The following GLRB variants were observed in gnomAD, a reference collection of about 807,000 sequenced individuals.
The protein encoded by GLRB is glycine receptor subunit beta.
In GLRB, 33 loss-of-function variants were observed where a neutral mutation model predicts 54.2. That is an observed-to-expected ratio of 0.61 (90% CI 0.46 to 0.81). The LOEUF is 0.81. Ranked by LOEUF, GLRB falls within the 40% of genes least tolerant of loss-of-function variation. The pLI, the probability that GLRB is intolerant of heterozygous loss-of-function variation, is 0.00. For missense variants in GLRB, 572 were observed against 584.6 expected (o/e 0.98, Z 0.22); for synonymous variants, 209 against 208.2 (o/e 1.00, Z -0.03).
chr4:157,103,913 T>C (rs1735128603), intron 2 of GLRB, among the ~76,000 whole-genome samples: 1 of 151,928 alleles, frequency 6.6e-6, no homozygotes, highest in Non-Finnish European at 1.5e-5. Flanking sequence ...GAAATTTGTT[T>C]ATCAGTTTTA....
At chr4:157,107,848 A>C (rs139665759) in intron 2 of GLRB, among the ~76,000 whole-genome samples, 1 of 152,238 alleles carries the variant, frequency 6.6e-6, no homozygotes, top group East Asian at 1.9e-4. Context: ...GCTAGAAAGA[A>C]GTCAATGCCC....
intron 9 of GLRB, among the ~76,000 whole-genome samples, chr4:157,156,429 G>A (rs1737229400): frequency 1.3e-5 from 2 of 152,112 alleles, no homozygotes; most frequent in African/African-American, 4.8e-5. Context: ...TCAAATCTAG[G>A]AGTCTTTTGG....
intron 9 of GLRB, among the ~76,000 whole-genome samples, chr4:157,154,423 CTTTTTTTTTT>C (rs778002566): frequency 9.7e-6 from 1 of 103,462 alleles, no homozygotes; most frequent in East Asian, 2.4e-4. Flanking sequence ...CTTCTTTTTC[CTTTTTTTTTT>C]TTTTTTTTTT....
chr4:157,158,961 G>C (rs1160942878), intron 9 of GLRB, among the ~76,000 whole-genome samples: 1 of 152,150 alleles, frequency 6.6e-6, no homozygotes, highest in Non-Finnish European at 1.5e-5. Context: ...TCCTATCCAT[G>C]AGCATGGAAT....
intron 9 of GLRB, among the ~76,000 whole-genome samples, chr4:157,163,051 C>T (rs1464557431): frequency 6.6e-6 from 1 of 152,192 alleles, no homozygotes; most frequent in African/African-American, 2.4e-5. Context: ...ACCCCTCCCC[C>T]AGCCTCGCTT....
chr4:157,146,024 C>CTT (rs547388421), intron 8 of GLRB, among the ~76,000 whole-genome samples: 1 of 144,044 alleles, frequency 6.9e-6, no homozygotes, highest in Non-Finnish European at 1.5e-5. Context: ...TGATTTTGAG[C>CTT]TTTTTTTTTT....
Position 157,142,802 on chromosome 4 carries a change from A to G in GLRB, c.752-1005A>G, listed in dbSNP as rs1357188948. ...AACAGAAAACGATTATAGATATTTT[A>G]TTTTGCTATTTATGCACAATCTTAC... is the stretch of plus-strand genomic sequence containing the variant. On this transcript the variant is annotated intron_variant, in intron 7 of 9. Transcript: ENST00000264428. Among the ~76,000 whole-genome samples the G allele has an allele frequency of 2.6e-5, 4 of 152,306 alleles. No homozygotes were observed. The East Asian group carries it at 7.7e-4, about 29-fold the overall frequency.
At chr4:157,105,817 G>A (rs375370157) in intron 2 of GLRB, among the ~76,000 whole-genome samples, 14 of 151,688 alleles carry the variant, frequency 9.2e-5, no homozygotes, top group African/African-American at 3.4e-4. Flanking sequence ...ATTTTATCTA[G>A]GTATAGTCAT....
Position 157,136,536 on chromosome 4 carries a change from T to A in GLRB, c.365T>A (p.Phe122Tyr). Residue 122 changes from phenylalanine to tyrosine, a missense_variant, in exon 5 of 10, where the codon TTT becomes TAT. Phe to Tyr is a conservative substitution (Grantham distance 22, BLOSUM62 3). Transcript: ENST00000264428. Reference sequence around the variant, plus strand: ...CCCAGGCTGAAGCTCCCCAGTGATTTTAGGGGTTCAGATGCACTGACAGTG... The same window carrying A: ...CCCAGGCTGAAGCTCCCCAGTGATTATAGGGGTTCAGATGCACTGACAGTG... The part of the protein sequence containing the change: ...NDPRLKLPSD[F>Y]RGSDALTVDP... The A allele has an allele frequency of 6.2e-7, 1 of 1,613,206 alleles. No individual in the cohort carries two copies. Among genetic ancestry groups the A allele is most frequent in the Non-Finnish European group, 8.5e-7 (1 of 1,179,208 alleles).
chr4:157,151,286 A>G (rs17035797), intron 8 of GLRB, among the ~76,000 whole-genome samples: 14,720 of 152,114 alleles, frequency 0.097, 783 homozygotes, highest in African/African-American at 0.12. Flanking sequence ...ACTTAGAATG[A>G]CAGTTTGCCA....
intron 2 of GLRB, among the ~76,000 whole-genome samples, chr4:157,080,571 T>G (rs1362655095): frequency 6.6e-6 from 1 of 152,178 alleles, no homozygotes; most frequent in East Asian, 1.9e-4. Context: ...ATGCCTTGAT[T>G]AAGAATTTGA....
chr4:157,140,698 T>A lies in GLRB; in HGVS notation c.751+1749T>A, dbSNP rs144144023. Among the ~76,000 whole-genome samples the A allele has an allele frequency of 5.7e-3, 863 of 152,052 alleles. 10 individuals are homozygous for A. The highest frequency in any genetic ancestry group is 0.019 in the African/African-American group (796 of 41,534). On this transcript the variant is annotated intron_variant, in intron 7 of 9. Coordinates refer to ENST00000264428, the MANE Select transcript of GLRB (RefSeq NM_000824.5). ...CAGTGATGCTGTGGGAGAGGGAGTC[T>A]GATACTGTTATACGATTAATACCTG...
At chr4:157,157,867 G>A (rs756983888) in intron 9 of GLRB, among the ~76,000 whole-genome samples, 5 of 152,148 alleles carry the variant, frequency 3.3e-5, no homozygotes, top group Non-Finnish European at 7.3e-5. Context: ...TAATGAGATG[G>A]CTGGGTCAAA....
At chr4:157,103,189 A>T (rs993875795) in intron 2 of GLRB, among the ~76,000 whole-genome samples, 1 of 150,946 alleles carries the variant, frequency 6.6e-6, no homozygotes, top group Admixed American at 6.6e-5. Flanking sequence ...TGAAGTAGGG[A>T]CAATAGGGAC....
At chr4:157,131,083 TTA>T (rs1736198555) in intron 4 of GLRB, among the ~76,000 whole-genome samples, 1 of 151,706 alleles carries the variant, frequency 6.6e-6, no homozygotes, top group Non-Finnish European at 1.5e-5. Context: ...TTTTTAAAAG[TTA>T]TCTAATTTTA....
intron 4 of GLRB, among the ~76,000 whole-genome samples, chr4:157,126,617 G>T (rs1736023520): frequency 6.6e-6 from 1 of 151,862 alleles, no homozygotes; most frequent in Non-Finnish European, 1.5e-5. Context: ...TGTGACAACT[G>T]AAATAAGAGT....
intron 2 of GLRB, among the ~76,000 whole-genome samples, chr4:157,118,093 A>G (rs1388463943): frequency 1.3e-5 from 2 of 151,672 alleles, no homozygotes; most frequent in African/African-American, 4.8e-5. Flanking sequence ...ATAAAGGGCT[A>G]AAAATGAGTT....
chr4:157,120,175 T>C (rs954263169), intron 2 of GLRB, among the ~76,000 whole-genome samples: 2 of 135,898 alleles, frequency 1.5e-5, no homozygotes, highest in South Asian at 2.3e-4. Flanking sequence ...TAGGTGGGAA[T>C]TGAACAATGA....
At position 157,150,194 on chromosome 4, in the gene GLRB, G is replaced by A. The variant is rs115565084; in HGVS notation, c.905-2524G>A. On this transcript the variant is annotated intron_variant, in intron 8 of 9. Coordinates refer to ENST00000264428, the MANE Select transcript of GLRB (RefSeq NM_000824.5). ...CTATATAAGGCTATATTATGATAAT[G>A]CTAAAGTATTTTTACAAAGTAGCAT... Among the ~76,000 whole-genome samples the A allele has an allele frequency of 7.6e-3, 1,162 of 152,104 alleles. 16 individuals carry two copies. Among genetic ancestry groups the A allele is most frequent in the African/African-American group, 0.027 (1,123 of 41,532 alleles).
Sources: allele counts gnomAD v4.1 joint callset (sites outside exome capture counted in the v4.1 genomes callset), GRCh38; gene constraint gnomAD v4.1.1; transcripts MANE v1.5; gene names NCBI Gene and HGNC (gene_info 2026-07-23, HGNC 2026-07-21).